Variants in SFMBT1 observed in about 807,000 individuals in gnomAD.
The protein encoded by SFMBT1 is scm-like with four MBT domains protein 1.
SFMBT1 carries 32 observed loss-of-function variants against 108.7 expected under a neutral mutation model. That is an observed-to-expected ratio of 0.29 (90% CI 0.22 to 0.40). The LOEUF (loss-of-function observed/expected upper bound fraction) is 0.40, where lower values mean the gene tolerates loss of function less well. SFMBT1 is among the 10% of genes least tolerant of loss of function. SFMBT1 has a pLI of 1.00. For missense variants in SFMBT1, 816 were observed against 1,059.6 expected (o/e 0.77, Z 3.19); for synonymous variants, 348 against 369.5 (o/e 0.94, Z 0.67).
chr3:52,962,978 G>GTTATT (rs138529594), intron 2 of SFMBT1, among the ~76,000 whole-genome samples: 10,384 of 150,320 alleles, frequency 0.069, 423 homozygotes, highest in Non-Finnish European at 0.093. Flanking sequence ...TCAGGTTGAA[G>GTTATT]TTATTTTATT....
At chr3:52,935,513 T>C (rs2710313) in intron 4 of SFMBT1, among the ~76,000 whole-genome samples, 2 of 151,996 alleles carry the variant, frequency 1.3e-5, no homozygotes, top group African/African-American at 4.8e-5. Flanking sequence ...AATGCCTGGC[T>C]TATACCCTCA....
chr3:52,982,484 T>G (rs912197936), intron 1 of SFMBT1, among the ~76,000 whole-genome samples: 3 of 152,030 alleles, frequency 2.0e-5, no homozygotes, highest in African/African-American at 7.2e-5. Context: ...ATGCCAGCAC[T>G]TTGGGAGGCT....
At chr3:52,951,126 A>AAAAAAAAAAG (rs1553637540) in intron 3 of SFMBT1, among the ~76,000 whole-genome samples, 1 of 134,122 alleles carries the variant, frequency 7.5e-6, no homozygotes, top group Admixed American at 8.8e-5. Context: ...TAAAAAAAAA[A>AAAAAAAAAAG]AAAAAAGAAA....
intron 1 of SFMBT1, among the ~76,000 whole-genome samples, chr3:52,996,299 C>T (rs189225349): frequency 1.4e-5 from 2 of 139,052 alleles, no homozygotes; most frequent in Non-Finnish European, 3.1e-5. Context: ...GCAGCCTCAA[C>T]CTCCTGGGTT....
At chr3:53,008,742 C>A (rs1453561298) in intron 1 of SFMBT1, among the ~76,000 whole-genome samples, 1 of 151,616 alleles carries the variant, frequency 6.6e-6, no homozygotes, top group African/African-American at 2.4e-5. Flanking sequence ...TTACACCATT[C>A]TCCTGCCTCA....
intron 1 of SFMBT1, among the ~76,000 whole-genome samples, chr3:53,009,375 G>A (rs1463432680): frequency 6.6e-6 from 1 of 152,074 alleles, no homozygotes; most frequent in Non-Finnish European, 1.5e-5. Context: ...TTGAACCCGG[G>A]AGGCAGAGAT....
intron 15 of SFMBT1, 58 bp from the exon 16 acceptor site, chr3:52,912,705 A>C: frequency 8.1e-7 from 1 of 1,231,840 alleles, no homozygotes; most frequent in Non-Finnish European, 1.2e-6. Flanking sequence ...AGACCATTAG[A>C]ATCTTGTCAT....
chr3:52,924,658 AAACAACAAC>A (rs148019673), intron 10 of SFMBT1, among the ~76,000 whole-genome samples: 3 of 150,672 alleles, frequency 2.0e-5, no homozygotes, highest in East Asian at 2.0e-4. Context: ...AACAAAAAAC[AAACAACAAC>A]AACAACAACA....
At chr3:52,936,964 C>T (rs1703029461) in intron 4 of SFMBT1, among the ~76,000 whole-genome samples, 1 of 148,220 alleles carries the variant, frequency 6.7e-6, no homozygotes, top group African/African-American at 2.5e-5. Context: ...GCCTCAGCCT[C>T]CTGAGTAGCT....
At chr3:52,988,511 G>C (rs1242636725) in intron 1 of SFMBT1, among the ~76,000 whole-genome samples, 1 of 152,142 alleles carries the variant, frequency 6.6e-6, no homozygotes, top group African/African-American at 2.4e-5. Flanking sequence ...AATGGTGAAT[G>C]TCTGCTGCAA....
Position 53,035,640 on chromosome 3 carries a change from A to G in SFMBT1, c.-131+10176T>C, listed in dbSNP as rs1156544906. Reference sequence around the variant, plus strand: ...TAAATGGAGTCTCACTCTGTTGCCCAGGCTGGAGTGCAGTGGTGCCATCTC... The same window carrying G: ...TAAATGGAGTCTCACTCTGTTGCCCGGGCTGGAGTGCAGTGGTGCCATCTC... On this transcript the variant is annotated intron_variant, in intron 1 of 20. Coordinates refer to ENST00000394752, the MANE Select transcript of SFMBT1 (RefSeq NM_016329.4). Among the ~76,000 whole-genome samples, 4 of 152,228 alleles carry G rather than the reference A, an allele frequency of 2.6e-5. 1 individual carries two copies. The highest frequency in any genetic ancestry group is 5.9e-5 in the Non-Finnish European group (4 of 68,040).
chr3:52,995,796 A>G (rs1457455782), intron 1 of SFMBT1, among the ~76,000 whole-genome samples: 1 of 149,158 alleles, frequency 6.7e-6, no homozygotes, highest in African/African-American at 2.4e-5. Context: ...GCCAGGTGCC[A>G]CCCCCCAGCT....
chr3:53,038,471 G>C (rs1039199251), intron 1 of SFMBT1, among the ~76,000 whole-genome samples: 1 of 152,102 alleles, frequency 6.6e-6, no homozygotes, highest in Non-Finnish European at 1.5e-5. Context: ...CATGAAGAAA[G>C]GACAGTAATT....
intron 1 of SFMBT1, among the ~76,000 whole-genome samples, chr3:52,986,768 CTG>C (rs1481748666): frequency 3.8e-5 from 1 of 26,486 alleles, no homozygotes; most frequent in Non-Finnish European, 8.5e-5. Context: ...GAGCAAGACT[CTG>C]TCTCAAAAAA....
At chr3:52,925,793 G>A (rs1033637231) in intron 10 of SFMBT1, among the ~76,000 whole-genome samples, 2 of 152,056 alleles carry the variant, frequency 1.3e-5, no homozygotes, top group African/African-American at 4.8e-5. Flanking sequence ...TCAAATTCAC[G>A]ATTTCAGCTA....
intron 2 of SFMBT1, among the ~76,000 whole-genome samples, chr3:52,965,519 A>T (rs1436425580): frequency 6.6e-6 from 1 of 152,124 alleles, no homozygotes; most frequent in Non-Finnish European, 1.5e-5. Context: ...GTCCAATGAC[A>T]GCAGATTTCT....
intron 4 of SFMBT1, among the ~76,000 whole-genome samples, chr3:52,936,893 C>CTT (rs5848969): frequency 0.011 from 1,237 of 114,974 alleles, 44 homozygotes; most frequent in African/African-American, 0.032. Context: ...TTACACATTT[C>CTT]TTTTTTTTTT....
At chr3:52,982,992 G>A (rs1704769509) in intron 1 of SFMBT1, among the ~76,000 whole-genome samples, 1 of 152,126 alleles carries the variant, frequency 6.6e-6, no homozygotes, top group Admixed American at 6.5e-5. Context: ...AGCAAACAGT[G>A]GAAGAGGAGT....
At chr3:52,945,810 C>CA (rs200165393) in intron 3 of SFMBT1, among the ~76,000 whole-genome samples, 36,750 of 111,558 alleles carry the variant, frequency 0.33, 5,280 homozygotes, top group Middle Eastern at 0.5. Context: ...GACTCCATCT[C>CA]AAAAAAAAAA....
Sources: gnomAD v4.1 joint callset for allele counts (sites outside exome capture counted in the v4.1 genomes callset) on GRCh38, gnomAD v4.1.1 for gene constraint, MANE v1.5 for transcripts, NCBI Gene and HGNC (gene_info 2026-07-23, HGNC 2026-07-21) for gene names.